The following DYNC1LI2 variants were observed in gnomAD, a reference collection of about 807,000 sequenced individuals.
The protein encoded by DYNC1LI2 is cytoplasmic dynein 1 light intermediate chain 2.
A neutral mutation model predicts 57.8 loss-of-function variants in DYNC1LI2; 19 were observed. The ratio of observed to expected loss-of-function variants is 0.33; its 90% CI spans 0.23 to 0.48. The LOEUF (loss-of-function observed/expected upper bound fraction) is 0.48, where lower values mean the gene tolerates loss of function less well. Ranked by LOEUF, DYNC1LI2 falls within the 20% of genes least tolerant of loss-of-function variation. DYNC1LI2 has a pLI of 0.99. For synonymous variants in DYNC1LI2, 256 were observed against 233.4 expected, an observed-to-expected ratio of 1.10 and a Z score of -0.88; for missense variants, 470 against 604.2, an observed-to-expected ratio of 0.78 and a Z score of 2.33.
chr16:66,729,671 G>A (rs1420225293), intron 8 of DYNC1LI2, among the ~76,000 whole-genome samples: 4 of 149,948 alleles, frequency 2.7e-5, no homozygotes, highest in African/African-American at 9.9e-5. Context: ...CCGCCTCCCA[G>A]GTTCAAGCAA....
At chr16:66,733,712 A>G (rs2017679879) in intron 6 of DYNC1LI2, among the ~76,000 whole-genome samples, 1 of 152,024 alleles carries the variant, frequency 6.6e-6, no homozygotes, top group African/African-American at 2.4e-5. Context: ...TCTCAAAACA[A>G]ACAAACAAAA....
chr16:66,741,989 TG>T (rs548629635), intron 4 of DYNC1LI2, among the ~76,000 whole-genome samples: 43 of 151,812 alleles, frequency 2.8e-4, no homozygotes, highest in African/African-American at 9.7e-4. Context: ...CTGAAAGCTT[TG>T]TCTTTCTTAG....
chr16:66,749,151 G>A (rs1307404202), intron 3 of DYNC1LI2, 46 bp downstream of exon 3: 4 of 1,584,372 alleles, frequency 2.5e-6, no homozygotes, highest in Non-Finnish European at 2.6e-6. Context: ...GAAGCAGTCA[G>A]AGTCCTGCAT....
chr16:66,724,646 C>T (rs191812799), intron 12 of DYNC1LI2: 1 of 152,186 alleles, frequency 6.6e-6, no homozygotes, highest in African/African-American at 2.4e-5. Flanking sequence ...ATCTCCAAGA[C>T]ATAGACCCGC....
chr16:66,740,812 C>CAGCTGT (rs894848441), intron 4 of DYNC1LI2, among the ~76,000 whole-genome samples: 1 of 152,192 alleles, frequency 6.6e-6, no homozygotes, highest in Non-Finnish European at 1.5e-5. Context: ...CAAGGTCCTC[C>CAGCTGT]AGCTGTCTTC....
At chr16:66,741,395 C>T (rs1032252579) in intron 4 of DYNC1LI2, among the ~76,000 whole-genome samples, 18 of 152,160 alleles carry the variant, frequency 1.2e-4, no homozygotes, top group Non-Finnish European at 2.4e-4. Flanking sequence ...AGCACACATG[C>T]GGGTGACCAG....
At chr16:66,735,686 T>C (rs2017721536) in intron 5 of DYNC1LI2, among the ~76,000 whole-genome samples, 1 of 151,828 alleles carries the variant, frequency 6.6e-6, no homozygotes, top group South Asian at 2.1e-4. Flanking sequence ...TTTTGTATTT[T>C]TTGTAGAGAC....
chr16:66,749,464 G>T, intron 2 of DYNC1LI2, 151 bp from the exon 3 acceptor site: 1 of 776,296 alleles, frequency 1.3e-6, no homozygotes, highest in Non-Finnish European at 2.1e-6. Context: ...GGACTTTGCT[G>T]GAAGAGTGGT....
At chr16:66,729,549 G>A (rs899606115) in intron 8 of DYNC1LI2, among the ~76,000 whole-genome samples, 5 of 148,746 alleles carry the variant, frequency 3.4e-5, no homozygotes, top group African/African-American at 1.2e-4. Context: ...ACTATACAAT[G>A]TGTAAGACCT....
At chr16:66,744,398 T>C (rs1397974702) in intron 3 of DYNC1LI2, among the ~76,000 whole-genome samples, 2 of 152,218 alleles carry the variant, frequency 1.3e-5, no homozygotes, top group Admixed American at 6.5e-5. Context: ...CTGTGGTTCA[T>C]GATACCACTC....
In DYNC1LI2 at chr16:66,723,704, T is replaced by G; in HGVS notation, c.*18A>C. ...CATAGTTATTTGGTCATTCGACATA[T>G]GCACTTTTTAAGGAGGTTCAGGCTT... On this transcript the variant is annotated 3_prime_UTR_variant, in exon 13 of 13. Transcript: ENST00000258198. 2 of 1,593,166 alleles carry G rather than the reference T, an allele frequency of 1.3e-6. No homozygotes were observed. Among genetic ancestry groups the G allele is most frequent in the Non-Finnish European group, 1.7e-6 (2 of 1,173,726 alleles).
At position 66,732,376 on chromosome 16, in the gene DYNC1LI2, T is replaced by TG; in HGVS notation, c.891dup (p.Thr298HisfsTer20). The TG allele has an allele frequency of 6.2e-7, 1 of 1,613,948 alleles. No individual in the cohort carries two copies. The highest frequency in any genetic ancestry group is 8.5e-7 in the Non-Finnish European group (1 of 1,179,934). On this transcript the variant is annotated frameshift_variant, in exon 7 of 13. Coordinates refer to ENST00000258198, the MANE Select transcript of DYNC1LI2 (RefSeq NM_006141.3). LOFTEE classifies it high-confidence loss of function. ...TCCTTTTCCACAACTAAGGCAGGTG[T>TG]GGTGAAGTGGAAACCGTATGTTTTA... is the stretch of plus-strand genomic sequence containing the variant.
rs1262939558 is a variant in DYNC1LI2 at position 66,723,158 on chromosome 16, G to C, written c.*564C>G. ...TTTGCTTAGTGTTTTGTTTGGAAATGCTTCTAACAATGATTCTTCAACTTC... is the reference window on the plus strand; with the variant it reads ...TTTGCTTAGTGTTTTGTTTGGAAATCCTTCTAACAATGATTCTTCAACTTC... On this transcript the variant is annotated 3_prime_UTR_variant, in exon 13 of 13. Transcript: ENST00000258198. 1 of 340,028 alleles carries C rather than the reference G, an allele frequency of 2.9e-6. No individual in the cohort carries two copies. Among genetic ancestry groups the C allele is most frequent in the East Asian group, 7.5e-5 (1 of 13,312 alleles). 21.1% of individuals were successfully genotyped at this position (340,028 alleles called of 1,614,324 possible).
intron 10 of DYNC1LI2, 74 bp from the exon 11 acceptor site, chr16:66,727,879 A>G: frequency 7.6e-7 from 1 of 1,320,594 alleles, no homozygotes; most frequent in South Asian, 1.3e-5. Flanking sequence ...AAATGGAGAC[A>G]TGCTTCTGAG....
intron 4 of DYNC1LI2, chr16:66,738,872 CAAAA>C (rs935685813): frequency 2.3e-5 from 3 of 127,742 alleles, no homozygotes; most frequent in Non-Finnish European, 4.8e-5. Flanking sequence ...GACTCTGTTT[CAAAA>C]AAAAACAAAC....
Position 66,751,582 on chromosome 16 carries a change from C to A in DYNC1LI2, c.10G>T (p.Val4Leu). The A allele has an allele frequency of 6.3e-7, 1 of 1,576,540 alleles. No homozygotes were observed. The highest frequency in any genetic ancestry group is 8.6e-7 in the Non-Finnish European group (1 of 1,164,270). MAP[V>L]GVEKKLLLGP... The stretch of plus-strand genomic sequence containing the variant: ...AGCAGCAGCTTCTTCTCCACCCCCA[C>A]CGGCGCCATCTTGCCAACTGCAGCC... Residue 4 changes from valine (V) to leucine (L), a missense_variant, in exon 1 of 13, where the codon GTG becomes TTG. By Grantham distance (32) the Val-to-Leu change is conservative. Transcript: ENST00000258198. The surrounding 1 kb of genome is among the most constrained non-coding windows in gnomAD (Gnocchi z 5.2).
At chr16:66,735,486 A>G (rs1447629591) in intron 5 of DYNC1LI2, among the ~76,000 whole-genome samples, 1 of 150,848 alleles carries the variant, frequency 6.6e-6, no homozygotes, top group Non-Finnish European at 1.5e-5. Flanking sequence ...AGCCTTAAGG[A>G]AACTGCTGTG....
chr16:66,733,817 C>T (rs1279596106), intron 6 of DYNC1LI2, among the ~76,000 whole-genome samples: 1 of 151,974 alleles, frequency 6.6e-6, no homozygotes, highest in East Asian at 1.9e-4. Context: ...GCTAAGACTG[C>T]ACCACTGTAC....
chr16:66,734,366 G>C, intron 5 of DYNC1LI2, 55 bp from the exon 6 acceptor site: 1 of 1,520,782 alleles, frequency 6.6e-7, no homozygotes, highest in African/African-American at 1.4e-5. Flanking sequence ...CTGACGATGG[G>C]AACACCTCAT....
Sources: gnomAD v4.1 joint callset for allele counts (sites outside exome capture counted in the v4.1 genomes callset) on GRCh38, gnomAD v4.1.1 for gene constraint, Gnocchi (gnomAD v3.1) non-coding constraint, MANE v1.5 for transcripts, NCBI Gene and HGNC (gene_info 2026-07-23, HGNC 2026-07-21) for gene names.